The following GALNTL6 variants were observed in gnomAD, a reference collection of about 807,000 sequenced individuals.
GALNTL6 encodes polypeptide N-acetylgalactosaminyltransferase-like 6.
GALNTL6 carries 46 observed loss-of-function variants against 73.7 expected under a neutral mutation model. That is an observed-to-expected ratio of 0.62 (90% confidence interval 0.49 to 0.80). GALNTL6 has a LOEUF of 0.80. GALNTL6 is among the 30% of genes least tolerant of loss of function. GALNTL6 has a pLI of 0.00. For missense variants in GALNTL6, 604 were observed against 755.0 expected, an observed-to-expected ratio of 0.80 and a Z score of 2.34; for synonymous variants, 259 against 263.7, an observed-to-expected ratio of 0.98 and a Z score of 0.17.
At chr4:172,548,163 C>T (rs1002154601) in intron 5 of GALNTL6, among the ~76,000 whole-genome samples, 1 of 72,684 alleles carries the variant, frequency 1.4e-5, no homozygotes, top group Non-Finnish European at 3.1e-5. Flanking sequence ...TTTAATATGT[C>T]GATGTCAATG....
At chr4:171,987,628 A>G (rs1056721132) in intron 2 of GALNTL6, among the ~76,000 whole-genome samples, 3 of 152,180 alleles carry the variant, frequency 2.0e-5, no homozygotes, top group Non-Finnish European at 4.4e-5. Flanking sequence ...GAGTAGTAGA[A>G]TAGCAGATGG....
rs189796851 is a variant in GALNTL6 at position 173,013,458 on chromosome 4, G to T, written c.1488+4164G>T. On this transcript the variant is annotated intron_variant, in intron 11 of 12. Coordinates refer to ENST00000506823, the MANE Select transcript of GALNTL6 (RefSeq NM_001034845.3). ...ATGCTCTAGAATGAAATCTTCTCTG[G>T]CCTGCAGATTTTATTTGACAGCGGA... 5.9e-5 allele frequency among the ~76,000 whole-genome samples: 9 copies of T among 152,034 alleles called. No individual in the cohort carries two copies. In the East Asian group the frequency reaches 1.7e-3, roughly 29 times the overall value.
chr4:172,752,456 T>C (rs567597419), intron 5 of GALNTL6, among the ~76,000 whole-genome samples: 1 of 152,272 alleles, frequency 6.6e-6, no homozygotes. Context: ...GTAAATGTTA[T>C]CTCACATAGA....
intron 2 of GALNTL6, among the ~76,000 whole-genome samples, chr4:172,141,439 A>G (rs749050838): frequency 4.6e-5 from 7 of 152,068 alleles, no homozygotes. Context: ...ACGAGTACAA[A>G]TTCAGACAAA....
intron 4 of GALNTL6, among the ~76,000 whole-genome samples, chr4:172,316,060 T>G (rs999014292): frequency 6.6e-6 from 1 of 152,186 alleles, no homozygotes; most frequent in Non-Finnish European, 1.5e-5. Flanking sequence ...GAAGAATTTT[T>G]AAGCAAGTAT....
intron 2 of GALNTL6, among the ~76,000 whole-genome samples, chr4:172,012,004 A>T (rs1741024936): frequency 1.3e-5 from 2 of 151,968 alleles, no homozygotes; most frequent in South Asian, 4.1e-4. Flanking sequence ...CTGCTTATTG[A>T]TTTGTCATTT....
chr4:172,918,300 T>C (rs1364688504), intron 8 of GALNTL6, among the ~76,000 whole-genome samples: 1 of 152,030 alleles, frequency 6.6e-6, no homozygotes, highest in Non-Finnish European at 1.5e-5. Context: ...GATGAGTTAA[T>C]GGGTGCAGCA....
chr4:172,907,787 C>A (rs1207298515), intron 8 of GALNTL6, among the ~76,000 whole-genome samples: 2 of 152,188 alleles, frequency 1.3e-5, no homozygotes, highest in Non-Finnish European at 2.9e-5. Context: ...GCATGAATTT[C>A]TTTTTCCTCC....
chr4:171,856,080 C>T (rs754731343), intron 2 of GALNTL6, among the ~76,000 whole-genome samples: 1 of 151,928 alleles, frequency 6.6e-6, no homozygotes, highest in Non-Finnish European at 1.5e-5. Flanking sequence ...ATATATTTCA[C>T]AGAACAGATT....
chr4:172,765,546 A>T (rs1347704), intron 5 of GALNTL6, among the ~76,000 whole-genome samples: 5 of 151,346 alleles, frequency 3.3e-5, no homozygotes, highest in African/African-American at 1.2e-4. Flanking sequence ...CCATACTCTG[A>T]GTAGTCATTT....
At chr4:172,574,125 G>T (rs1352498005) in intron 5 of GALNTL6, among the ~76,000 whole-genome samples, 1 of 152,142 alleles carries the variant, frequency 6.6e-6, no homozygotes, top group Non-Finnish European at 1.5e-5. Flanking sequence ...ATTTGACTTA[G>T]ATTTCCTGTT....
chr4:172,912,878 G>A (rs1484800531), intron 8 of GALNTL6, among the ~76,000 whole-genome samples: 4 of 152,202 alleles, frequency 2.6e-5, no homozygotes, highest in African/African-American at 4.8e-5. Context: ...GGTTCTCCCA[G>A]CATGGAGTTT....
intron 8 of GALNTL6, among the ~76,000 whole-genome samples, chr4:172,899,965 C>G (rs926568727): frequency 1.3e-5 from 2 of 152,116 alleles, no homozygotes; most frequent in Admixed American, 6.5e-5. Flanking sequence ...TGGCCAGCTT[C>G]CTTACGGCAA....
At chr4:172,646,824 T>G (rs1199593333) in intron 5 of GALNTL6, among the ~76,000 whole-genome samples, 1 of 152,064 alleles carries the variant, frequency 6.6e-6, no homozygotes, top group Non-Finnish European at 1.5e-5. Context: ...ATGTTAATAT[T>G]TAGGAGCTCA....
At chr4:173,006,429 G>C (rs754821492) in intron 10 of GALNTL6, among the ~76,000 whole-genome samples, 4 of 152,154 alleles carry the variant, frequency 2.6e-5, no homozygotes, top group Non-Finnish European at 5.9e-5. Flanking sequence ...TCAAATAGGA[G>C]ATTTACAGAG....
intron 5 of GALNTL6, among the ~76,000 whole-genome samples, chr4:172,413,401 A>T (rs989532491): frequency 6.6e-6 from 1 of 152,230 alleles, no homozygotes; most frequent in African/African-American, 2.4e-5. Flanking sequence ...GTAACATAAA[A>T]ATTGGGTCTA....
chr4:172,595,107 C>A (rs1335342776), intron 5 of GALNTL6, among the ~76,000 whole-genome samples: 1 of 152,122 alleles, frequency 6.6e-6, no homozygotes, highest in Non-Finnish European at 1.5e-5. Flanking sequence ...ATGAGAGTTT[C>A]ACCTCCATGA....
chr4:172,030,126 T>C (rs971682445), intron 2 of GALNTL6, among the ~76,000 whole-genome samples: 17 of 152,120 alleles, frequency 1.1e-4, no homozygotes, highest in African/African-American at 4.1e-4. Flanking sequence ...AGAAACAATG[T>C]AGATTTTAAC....
chr4:172,493,717 G>C (rs1369323637), intron 5 of GALNTL6, among the ~76,000 whole-genome samples: 1 of 152,144 alleles, frequency 6.6e-6, no homozygotes, highest in African/African-American at 2.4e-5. Flanking sequence ...GCTGCATTTT[G>C]ATAAGAATGC....
Sources: gnomAD v4.1 joint callset for allele counts (sites outside exome capture counted in the v4.1 genomes callset) on GRCh38, gnomAD v4.1.1 for gene constraint, MANE v1.5 for transcripts, NCBI Gene and HGNC (gene_info 2026-07-23, HGNC 2026-07-21) for gene names.